The following SLC24A2 variants were observed in gnomAD, a reference collection of about 807,000 sequenced individuals.
SLC24A2 encodes the protein sodium/potassium/calcium exchanger 2.
Under a neutral mutation model 62.0 loss-of-function variants are expected in SLC24A2, and 36 were observed. The observed-to-expected ratio is 0.58, with a 90% CI of 0.44 to 0.77. SLC24A2 has a LOEUF of 0.77. Among genes scored for constraint, SLC24A2 ranks in the 30% least tolerant of loss-of-function variants. The pLI is 0.00. For missense variants in SLC24A2, 846 were observed against 817.9 expected (o/e 1.03, Z -0.42); for synonymous variants, 358 against 294.0 (o/e 1.22, Z -2.23).
chr9:19,765,944 G>A (rs748106155), intron 2 of SLC24A2, among the ~76,000 whole-genome samples: 6 of 152,086 alleles, frequency 3.9e-5, no homozygotes, highest in Non-Finnish European at 8.8e-5. Flanking sequence ...ATCAAATGTA[G>A]GTTTGTTTTT....
At chr9:20,304,083 G>T in the SLC24A2 span, among the ~76,000 whole-genome samples, 1 of 152,166 alleles carries the variant, frequency 6.6e-6, no homozygotes, top group South Asian at 2.1e-4. Flanking sequence ...GTTTTATGCT[G>T]AGTGACTCTG....
the SLC24A2 span, among the ~76,000 whole-genome samples, chr9:20,211,734 T>A: frequency 6.6e-6 from 1 of 152,172 alleles, no homozygotes; most frequent in African/African-American, 2.4e-5. Context: ...CCAATTTATA[T>A]TTTCAAAAAT....
At chr9:20,124,005 G>C in the SLC24A2 span, among the ~76,000 whole-genome samples, 3 of 152,254 alleles carry the variant, frequency 2.0e-5, no homozygotes, top group East Asian at 5.8e-4. Flanking sequence ...TAAAATACCA[G>C]GAATATCTTT....
chr9:19,942,998 A>G, the SLC24A2 span, among the ~76,000 whole-genome samples: 64 of 152,326 alleles, frequency 4.2e-4, no homozygotes, highest in African/African-American at 1.4e-3. Context: ...AGCAAGAAAT[A>G]GATCCTTTCA....
At chr9:19,679,698 C>T (rs1564032845) in intron 2 of SLC24A2, among the ~76,000 whole-genome samples, 2 of 152,146 alleles carry the variant, frequency 1.3e-5, no homozygotes, top group Non-Finnish European at 1.5e-5. Context: ...CATTGATGCT[C>T]CTGGTTCTTG....
At chr9:19,731,757 A>T (rs1821345440) in intron 2 of SLC24A2, among the ~76,000 whole-genome samples, 1 of 152,178 alleles carries the variant, frequency 6.6e-6, no homozygotes, top group Non-Finnish European at 1.5e-5. Flanking sequence ...TAAAACATCA[A>T]ATATAATACC....
chr9:20,173,904 C>G, the SLC24A2 span, among the ~76,000 whole-genome samples: 13 of 151,824 alleles, frequency 8.6e-5, no homozygotes, highest in Non-Finnish European at 1.3e-4. Flanking sequence ...TAAGAATAAG[C>G]AAAAAGAACA....
the SLC24A2 span, among the ~76,000 whole-genome samples, chr9:19,908,250 A>C: frequency 5.1e-3 from 718 of 141,438 alleles, 3 homozygotes; most frequent in Non-Finnish European, 8.5e-3. Context: ...TTCCCTACTT[A>C]ATAAATGGTG....
chr9:19,712,184 G>C (rs1387211440), intron 2 of SLC24A2, among the ~76,000 whole-genome samples: 3 of 152,212 alleles, frequency 2.0e-5, no homozygotes, highest in Non-Finnish European at 4.4e-5. Context: ...TTAGGACGAG[G>C]ATTCCATATG....
chr9:19,550,239 G>T lies in SLC24A2; in HGVS notation c.1377C>A (p.Leu459=), dbSNP rs776781506. Residue 459 remains leucine (L), a synonymous_variant, in exon 8 of 11, where the codon CTC becomes CTA. Coordinates refer to ENST00000341998, the MANE Select transcript of SLC24A2 (RefSeq NM_020344.4). Reference sequence around the variant, plus strand: ...GGGTTTCAGAAGGCCAGGCAAGGCTGAGAGGCTGGTCCTCCTCCTCATCAG... The same window carrying T: ...GGGTTTCAGAAGGCCAGGCAAGGCTTAGAGGCTGGTCCTCCTCCTCATCAG... The part of the protein sequence containing the change: ...QTADEEEDQP[L]SLAWPSETRK... 6.2e-7 allele frequency: 1 copy of T among 1,614,136 alleles called. No homozygotes were observed. Among genetic ancestry groups the T allele is most frequent in the Middle Eastern group, 1.6e-4 (1 of 6,062 alleles).
chr9:20,094,971 C>A, the SLC24A2 span, among the ~76,000 whole-genome samples: 1 of 152,038 alleles, frequency 6.6e-6, no homozygotes, highest in African/African-American at 2.4e-5. Flanking sequence ...TAATAATTAT[C>A]TGAAAAAGCT....
chr9:19,544,370 T>C (rs1346080216), intron 8 of SLC24A2, among the ~76,000 whole-genome samples: 1 of 152,000 alleles, frequency 6.6e-6, no homozygotes, highest in African/African-American at 2.4e-5. Context: ...CTGATGGGTC[T>C]TGACGCTTAT....
chr9:19,574,038 T>A (rs896133040), intron 6 of SLC24A2, among the ~76,000 whole-genome samples: 1 of 152,216 alleles, frequency 6.6e-6, no homozygotes, highest in East Asian at 1.9e-4. Context: ...TATCTTAGGC[T>A]AGTTCCCTTC....
At chr9:19,627,744 G>A (rs1030343816) in intron 2 of SLC24A2, among the ~76,000 whole-genome samples, 2 of 152,098 alleles carry the variant, frequency 1.3e-5, no homozygotes, top group Non-Finnish European at 2.9e-5. Flanking sequence ...ATATTGCCCA[G>A]ACTGGTCTCG....
At chr9:19,838,105 T>C in the SLC24A2 span, among the ~76,000 whole-genome samples, 10 of 151,990 alleles carry the variant, frequency 6.6e-5, no homozygotes, top group African/African-American at 1.9e-4. Context: ...GAGCCCGCAT[T>C]GCCAAGTCAA....
At chr9:20,295,142 C>G in the SLC24A2 span, among the ~76,000 whole-genome samples, 2 of 151,776 alleles carry the variant, frequency 1.3e-5, no homozygotes, top group Non-Finnish European at 2.9e-5. Context: ...TCCAGAATGT[C>G]AAAATCCCTA....
At chr9:20,238,678 T>G in the SLC24A2 span, among the ~76,000 whole-genome samples, 2 of 152,334 alleles carry the variant, frequency 1.3e-5, no homozygotes, top group Non-Finnish European at 2.9e-5. Context: ...TTTGCATGCT[T>G]TGGGACACCC....
chr9:20,015,448 A>C, the SLC24A2 span, among the ~76,000 whole-genome samples: 5 of 152,190 alleles, frequency 3.3e-5, no homozygotes, highest in Non-Finnish European at 7.4e-5. Context: ...GAGTTGTGTA[A>C]AATCAACTCA....
chr9:20,051,655 C>CACTTT, the SLC24A2 span, among the ~76,000 whole-genome samples: 1 of 46,080 alleles, frequency 2.2e-5, no homozygotes. Flanking sequence ...TTTTTTCTTT[C>CACTTT]TCTTTTTTTT....
Sources: gnomAD v4.1 joint callset for allele counts (sites outside exome capture counted in the v4.1 genomes callset) on GRCh38, gnomAD v4.1.1 for gene constraint, MANE v1.5 for transcripts, NCBI Gene and HGNC (gene_info 2026-07-23, HGNC 2026-07-21) for gene names.